The following CLIC4 variants were observed in gnomAD, a reference collection of about 807,000 sequenced individuals.
The protein encoded by CLIC4 is chloride intracellular channel protein 4.
A neutral mutation model predicts 24.6 loss-of-function variants in CLIC4; 13 were observed. That is an observed-to-expected ratio of 0.53 (90% CI 0.34 to 0.84). The LOEUF (loss-of-function observed/expected upper bound fraction) is 0.84, where lower values mean the gene tolerates loss of function less well. Ranked by LOEUF, CLIC4 falls within the 40% of genes least tolerant of loss-of-function variation. The pLI is 0.01. For synonymous variants in CLIC4, 104 were observed against 111.3 expected (o/e 0.93, Z 0.41); for missense variants, 227 against 301.7 (o/e 0.75, Z 1.83).
intron 2 of CLIC4, among the ~76,000 whole-genome samples, chr1:24,806,048 G>A (rs1639547431): frequency 6.6e-6 from 1 of 152,184 alleles, no homozygotes; most frequent in Non-Finnish European, 1.5e-5. Flanking sequence ...TGAGTTCTGT[G>A]CACTTTGCTC....
chr1:24,774,229 G>A (rs954393239), intron 1 of CLIC4, among the ~76,000 whole-genome samples: 12 of 152,150 alleles, frequency 7.9e-5, no homozygotes, highest in Non-Finnish European at 1.3e-4. Flanking sequence ...GCCTGCCTTG[G>A]CCTCCCAAAG....
intron 3 of CLIC4, among the ~76,000 whole-genome samples, chr1:24,821,750 A>G (rs1639737023): frequency 6.6e-6 from 1 of 151,906 alleles, no homozygotes; most frequent in African/African-American, 2.4e-5. Context: ...GAGTAAGATC[A>G]CTTTCAATTG....
chr1:24,818,607 A>G (rs755097181), intron 3 of CLIC4, among the ~76,000 whole-genome samples: 2 of 152,098 alleles, frequency 1.3e-5, no homozygotes, highest in Non-Finnish European at 2.9e-5. Context: ...GTATTCATCC[A>G]TTCATTTATT....
At chr1:24,786,100 T>C (rs1232410334) in intron 1 of CLIC4, among the ~76,000 whole-genome samples, 1 of 152,138 alleles carries the variant, frequency 6.6e-6, no homozygotes, top group Admixed American at 6.5e-5. Context: ...CCAGAAAATA[T>C]GTCGAGGAAA....
At chr1:24,829,835 G>A (rs1396961398) in intron 4 of CLIC4, among the ~76,000 whole-genome samples, 1 of 152,156 alleles carries the variant, frequency 6.6e-6, no homozygotes, top group Non-Finnish European at 1.5e-5. Flanking sequence ...GGAAGTCAGA[G>A]GATGGTTGTG....
chr1:24,799,011 G>GC (rs1159457161), intron 2 of CLIC4, among the ~76,000 whole-genome samples: 1 of 152,238 alleles, frequency 6.6e-6, no homozygotes, highest in Non-Finnish European at 1.5e-5. Context: ...CCACCTCCCA[G>GC]CCGTCTGCCT....
intron 1 of CLIC4, among the ~76,000 whole-genome samples, chr1:24,789,974 T>C (rs1472047091): frequency 6.6e-6 from 1 of 152,188 alleles, no homozygotes; most frequent in Non-Finnish European, 1.5e-5. Flanking sequence ...GACATTTCTG[T>C]GGAGGGAAAA....
At chr1:24,772,857 AATTT>A (rs1318029669) in intron 1 of CLIC4, among the ~76,000 whole-genome samples, 9 of 152,354 alleles carry the variant, frequency 5.9e-5, no homozygotes, top group African/African-American at 9.6e-5. Context: ...AAGATTCATT[AATTT>A]ATTCATGTTT....
Position 24,843,972 on chromosome 1 carries a change from G to A in CLIC4, c.*3035G>A, listed in dbSNP as rs1443115686. ...ATTTCTTGCATTAATTTGAATTTAA[G>A]CATTTAATTCAAAGAGAGGGGAGCA... On this transcript the variant is annotated 3_prime_UTR_variant, in exon 6 of 6. Coordinates refer to ENST00000374379, the MANE Select transcript of CLIC4 (RefSeq NM_013943.3). The A allele has an allele frequency of 6.6e-6, 1 of 152,504 alleles. No homozygotes were observed. 9.4% of individuals were successfully genotyped at this position (152,504 alleles called of 1,614,324 possible).
chr1:24,830,403 T>C (rs377026580), intron 4 of CLIC4, among the ~76,000 whole-genome samples: 1 of 152,166 alleles, frequency 6.6e-6, no homozygotes, highest in Admixed American at 6.5e-5. Context: ...TTTTATAATA[T>C]GGATTTTCAT....
intron 1 of CLIC4, among the ~76,000 whole-genome samples, chr1:24,788,772 G>C (rs1223327357): frequency 6.6e-6 from 1 of 152,140 alleles, no homozygotes; most frequent in Non-Finnish European, 1.5e-5. Flanking sequence ...CTATATTCCT[G>C]ACTTGGAGCT....
rs531292197 is a variant in CLIC4 at position 24,774,471 on chromosome 1, GTTGTTA to G, written c.73-23262_73-23257del. Among the ~76,000 whole-genome samples, 5 of 152,208 alleles carry G rather than the reference GTTGTTA, an allele frequency of 3.3e-5. No homozygotes were observed. The South Asian group carries it at 1.0e-3, about 32-fold the overall frequency. ...ATAGAATTTTGAGTTGATTTTTATT[GTTGTTA>G]TTGTTATTCTTTCAGCAATTTAAAA... On this transcript the variant is annotated intron_variant, in intron 1 of 5. Coordinates refer to ENST00000374379, the MANE Select transcript of CLIC4 (RefSeq NM_013943.3).
At chr1:24,758,645 CAG>C (rs1553189101) in intron 1 of CLIC4, among the ~76,000 whole-genome samples, 1 of 151,936 alleles carries the variant, frequency 6.6e-6, no homozygotes, top group Non-Finnish European at 1.5e-5. Context: ...TTAGTAGAGA[CAG>C]GGTTTCGCCG....
intron 4 of CLIC4, among the ~76,000 whole-genome samples, chr1:24,832,091 A>G (rs1239345329): frequency 6.6e-6 from 1 of 152,116 alleles, no homozygotes; most frequent in Non-Finnish European, 1.5e-5. Flanking sequence ...TGTTTCTCAC[A>G]TTGTATTCTC....
At chr1:24,782,688 G>A (rs1331188426) in intron 1 of CLIC4, among the ~76,000 whole-genome samples, 1 of 152,102 alleles carries the variant, frequency 6.6e-6, no homozygotes, top group African/African-American at 2.4e-5. Context: ...TTACAGACAA[G>A]TTACAAGCAT....
intron 3 of CLIC4, among the ~76,000 whole-genome samples, chr1:24,823,825 A>G (rs1343745678): frequency 1.3e-5 from 2 of 151,884 alleles, no homozygotes; most frequent in African/African-American, 4.8e-5. Context: ...AAGGCTAATC[A>G]GCCTTCATTT....
chr1:24,841,427 A>G lies in CLIC4; in HGVS notation c.*490A>G, dbSNP rs1639940929. 1 of 152,288 alleles carries G rather than the reference A, an allele frequency of 6.6e-6. No homozygotes were observed. The highest frequency in any genetic ancestry group is 1.5e-5 in the Non-Finnish European group (1 of 68,080). The allele number at this position is 152,288 out of a possible 1,614,324, so 9.4% of individuals were successfully genotyped here. The stretch of plus-strand genomic sequence containing the variant: ...GAGTATATGAAAGGATTGCTACTGT[A>G]TCAGAAATATTGTTTCAATTTAGTC... On this transcript the variant is annotated 3_prime_UTR_variant, in exon 6 of 6. Coordinates refer to ENST00000374379, the MANE Select transcript of CLIC4 (RefSeq NM_013943.3).
chr1:24,793,274 G>A lies in CLIC4; in HGVS notation c.73-4468G>A, dbSNP rs186417889. 2.0e-5 allele frequency: 3 copies of A among 151,626 alleles called. No homozygotes were observed. The East Asian group carries it at 5.8e-4, about 29-fold the overall frequency. 9.4% of individuals were successfully genotyped at this position (151,626 alleles called of 1,614,324 possible). ...CACTTGTGTGTTATCAGTGTTCCAT[G>A]CTATTAATGGTCAGTATCTTCAAAA... is the stretch of plus-strand genomic sequence containing the variant. On this transcript the variant is annotated intron_variant, in intron 1 of 5. Transcript: ENST00000374379.
intron 4 of CLIC4, among the ~76,000 whole-genome samples, chr1:24,828,354 C>A (rs574407459): frequency 1.1e-4 from 16 of 151,594 alleles, no homozygotes; most frequent in African/African-American, 3.9e-4. Flanking sequence ...AAGCAATTTT[C>A]TTTAGTAATT....
Sources: allele counts gnomAD v4.1 joint callset (sites outside exome capture counted in the v4.1 genomes callset), GRCh38; gene constraint gnomAD v4.1.1; transcripts MANE v1.5; gene names NCBI Gene and HGNC (gene_info 2026-07-23, HGNC 2026-07-21).